RICTOR: variants seen among roughly 807,000 people sequenced by gnomAD.
The protein encoded by RICTOR is RPTOR independent companion of MTOR complex 2, also known as rapamycin-insensitive companion of mTOR.
Under a neutral mutation model 214.9 loss-of-function variants are expected in RICTOR, and 49 were observed. That is an observed-to-expected ratio of 0.23 (90% CI 0.18 to 0.29). The LOEUF is 0.29. Ranked by LOEUF, RICTOR falls within the 10% of genes least tolerant of loss-of-function variation. The pLI is 1.00. For missense variants in RICTOR, 1,625 were observed against 2,047.0 expected (o/e 0.79, Z 3.98); for synonymous variants, 717 against 711.3 (o/e 1.01, Z -0.13).
intron 37 of RICTOR, 128 bp downstream of exon 37, chr5:38,942,705 G>T: frequency 2.8e-6 from 2 of 721,430 alleles, no homozygotes; most frequent in Non-Finnish European, 4.7e-6. Flanking sequence ...ATTCTCCCGC[G>T]CTGACCCCAC....
chr5:38,944,007 A>C (rs1294807124), intron 36 of RICTOR, among the ~76,000 whole-genome samples: 1 of 152,190 alleles, frequency 6.6e-6, no homozygotes, highest in Non-Finnish European at 1.5e-5. Context: ...AGACCCAAAA[A>C]AGCTTATTTT....
intron 7 of RICTOR, among the ~76,000 whole-genome samples, chr5:38,990,677 G>GATATGAT (rs1752607813): frequency 4.0e-4 from 2 of 4,948 alleles, no homozygotes; most frequent in African/African-American, 6.3e-4. Context: ...ATATATATCA[G>GATATGAT]ATATATCATA....
chr5:39,001,582 A>G (rs189615634), intron 5 of RICTOR, among the ~76,000 whole-genome samples: 1 of 152,248 alleles, frequency 6.6e-6, no homozygotes, highest in East Asian at 1.9e-4. Flanking sequence ...AGACCCATTA[A>G]AAGAATGAAG....
chr5:38,947,704 T>C (rs1748357476), intron 31 of RICTOR, among the ~76,000 whole-genome samples: 1 of 152,078 alleles, frequency 6.6e-6, no homozygotes, highest in Admixed American at 6.6e-5. Flanking sequence ...GGTGGGCAAT[T>C]AGAATAACTT....
At position 39,051,505 on chromosome 5, in the gene RICTOR, T is replaced by C. The variant is rs118172792; in HGVS notation, c.97+22606A>G. Reference sequence around the variant, plus strand: ...GGCTCACGCCTATAATCCCAGCACTTTGGGAGGCGAGGCACGTGGAACACC... The same window carrying C: ...GGCTCACGCCTATAATCCCAGCACTCTGGGAGGCGAGGCACGTGGAACACC... On this transcript the variant is annotated intron_variant, in intron 2 of 37. Coordinates refer to ENST00000357387, the MANE Select transcript of RICTOR (RefSeq NM_152756.5). Among the ~76,000 whole-genome samples, 1,054 of 152,210 alleles carry C rather than the reference T, an allele frequency of 6.9e-3. 53 individuals are homozygous for C. In the East Asian group the frequency reaches 0.12, roughly 18 times the overall value.
chr5:39,034,823 C>T (rs1446997447), intron 2 of RICTOR, among the ~76,000 whole-genome samples: 4 of 152,208 alleles, frequency 2.6e-5, no homozygotes, highest in African/African-American at 2.4e-5. Flanking sequence ...CCCAGAAGCT[C>T]GAACTGGGTG....
chr5:38,954,698 A>T, intron 27 of RICTOR, 76 bp downstream of exon 27: 1 of 886,896 alleles, frequency 1.1e-6, no homozygotes, highest in Non-Finnish European at 1.8e-6. Context: ...TTGCAAAGGT[A>T]ATATTTTAGC....
intron 7 of RICTOR, among the ~76,000 whole-genome samples, chr5:38,985,032 C>T (rs1461037741): frequency 1.3e-5 from 2 of 152,096 alleles, no homozygotes; most frequent in East Asian, 1.9e-4. Context: ...AGGATGGTCT[C>T]GATCTCTTGA....
chr5:39,036,806 G>A lies in RICTOR; in HGVS notation c.98-15670C>T, dbSNP rs540258597. The stretch of plus-strand genomic sequence containing the variant: ...TATGCACCCAATACAGGAGCACCCA[G>A]ATTCATAAAGCAAGTCCTTGGAGAC... On this transcript the variant is annotated intron_variant, in intron 2 of 37. Transcript: ENST00000357387. Among the ~76,000 whole-genome samples the A allele has an allele frequency of 6.5e-4, 99 of 152,270 alleles. 1 individual carries two copies. The highest frequency in any genetic ancestry group is 9.3e-4 in the Non-Finnish European group (63 of 68,040).
At chr5:38,952,553 GA>G (rs10707065) in intron 29 of RICTOR, 128 bp from the exon 30 acceptor site, 361,595 of 403,296 alleles carry the variant, frequency 0.9, 160,347 homozygotes, top group Admixed American at 0.93. Flanking sequence ...TGCGTTTGTG[GA>G]AAAAAAAAAA....
At chr5:38,972,043 T>C in intron 10 of RICTOR, 84 bp from the exon 11 acceptor site, 1 of 616,942 alleles carries the variant, frequency 1.6e-6, no homozygotes, top group South Asian at 2.1e-5. Flanking sequence ...AAACTTGTCA[T>C]ATTTTTCTAG....
intron 2 of RICTOR, among the ~76,000 whole-genome samples, chr5:39,033,243 T>C (rs949178530): frequency 2.8e-4 from 42 of 152,090 alleles, no homozygotes; most frequent in African/African-American, 1.0e-3. Context: ...GTTGGCTTCT[T>C]GTACCAGTGT....
intron 5 of RICTOR, among the ~76,000 whole-genome samples, chr5:39,000,804 T>C (rs1458309166): frequency 6.6e-6 from 1 of 151,952 alleles, no homozygotes; most frequent in African/African-American, 2.4e-5. Flanking sequence ...CTCCAACAGG[T>C]CAATATCTCC....
chr5:38,990,666 GATATATATCAGATATATCAT>G (rs1561501942), intron 7 of RICTOR, among the ~76,000 whole-genome samples: 1 of 29,046 alleles, frequency 3.4e-5, no homozygotes, highest in Non-Finnish European at 7.2e-5. Context: ...ATATATATCA[GATATATATCAGATATATCAT>G]ATATATGATA....
At chr5:39,029,103 A>G (rs1331734866) in intron 2 of RICTOR, among the ~76,000 whole-genome samples, 1 of 152,148 alleles carries the variant, frequency 6.6e-6, no homozygotes, top group Non-Finnish European at 1.5e-5. Flanking sequence ...AACCAATTGG[A>G]AACAGGCAAG....
At position 38,941,197 on chromosome 5, in the gene RICTOR, C is replaced by A. The variant is rs769629957; in HGVS notation, c.*1107G>T. 2.1e-4 allele frequency: 48 copies of A among 232,906 alleles called. No homozygotes were observed. The highest frequency in any genetic ancestry group is 3.4e-4 in the Non-Finnish European group (40 of 117,614). 14.4% of individuals were successfully genotyped at this position (232,906 alleles called of 1,614,324 possible). A position where few individuals can be genotyped will look rare whatever the true frequency, so the allele number is the denominator to read the frequency against. ...TAAAGGCAATTAATATACTCATAAA[C>A]CCACCTACCACTGCATTTAGTTTGT... On this transcript the variant is annotated 3_prime_UTR_variant, in exon 38 of 38. Coordinates refer to ENST00000357387, the MANE Select transcript of RICTOR (RefSeq NM_152756.5).
intron 2 of RICTOR, among the ~76,000 whole-genome samples, chr5:39,025,292 G>A (rs1755725630): frequency 6.6e-6 from 1 of 152,158 alleles, no homozygotes; most frequent in Admixed American, 6.6e-5. Flanking sequence ...ATGCTGCTGA[G>A]GAACTTTTTA....
At position 38,959,369 on chromosome 5, in the gene RICTOR, G is replaced by C. The variant is rs757686613; in HGVS notation, c.2052-48C>G. ...AATGGTTAAAAGAAATTACTATATT[G>C]ATACATTAATTAAACAAATATTTTT... On this transcript the variant is annotated intron_variant, in intron 21 of 37. Coordinates refer to ENST00000357387, the MANE Select transcript of RICTOR (RefSeq NM_152756.5). 22 of 1,043,712 alleles carry C rather than the reference G, an allele frequency of 2.1e-5. No individual in the cohort carries two copies. The Middle Eastern group carries it at 9.2e-4, about 44-fold the overall frequency. The allele number at this position is 1,043,712 out of a possible 1,614,324, so 64.7% of individuals were successfully genotyped here. A position where few individuals can be genotyped will look rare whatever the true frequency, so the allele number is the denominator to read the frequency against.
intron 2 of RICTOR, among the ~76,000 whole-genome samples, chr5:39,072,347 A>G (rs895320749): frequency 1.3e-5 from 2 of 152,210 alleles, no homozygotes; most frequent in African/African-American, 2.4e-5. Context: ...AAAATTATCA[A>G]ATCAGATGTG....
Sources: allele counts gnomAD v4.1 joint callset (sites outside exome capture counted in the v4.1 genomes callset), GRCh38; gene constraint gnomAD v4.1.1; transcripts MANE v1.5; gene names NCBI Gene and HGNC (gene_info 2026-07-23, HGNC 2026-07-21).